The following XPO7 variants were observed in gnomAD, a reference collection of about 807,000 sequenced individuals.
XPO7 encodes exportin-7.
A neutral mutation model predicts 144.3 loss-of-function variants in XPO7; 21 were observed. The ratio of observed to expected loss-of-function variants is 0.15; its 90% CI spans 0.10 to 0.21. The LOEUF is 0.21. Ranked by LOEUF, XPO7 falls within the 10% of genes least tolerant of loss-of-function variation. The pLI is 1.00. For synonymous variants in XPO7, 580 were observed against 499.6 expected (o/e 1.16, Z -2.15); for missense variants, 808 against 1,325.8 (o/e 0.61, Z 6.06).
At position 22,005,230 on chromosome 8, in the gene XPO7, C is replaced by A; in HGVS notation, c.*142C>A. 1.7e-6 allele frequency: 1 copy of A among 595,996 alleles called. No homozygotes were observed. Among genetic ancestry groups the A allele is most frequent in the Non-Finnish European group, 2.8e-6 (1 of 354,844 alleles). 36.9% of individuals were successfully genotyped at this position (595,996 alleles called of 1,614,324 possible). On this transcript the variant is annotated 3_prime_UTR_variant, in exon 28 of 28. Coordinates refer to ENST00000252512, the MANE Select transcript of XPO7 (RefSeq NM_015024.5). ...GAAAATGGCAAAGGTCAACTAGCTG[C>A]TTCCCCAGGGAATAGGGGTGTGAGT...
intron 27 of XPO7, among the ~76,000 whole-genome samples, 168 bp downstream of exon 27, chr8:22,004,198 A>G (rs769754968): frequency 6.6e-6 from 1 of 152,226 alleles, no homozygotes; most frequent in Non-Finnish European, 1.5e-5. Context: ...TCATTTTAAT[A>G]ATATATTTTA....
intron 1 of XPO7, among the ~76,000 whole-genome samples, chr8:21,926,980 A>G (rs1374317533): frequency 6.6e-6 from 1 of 152,208 alleles, no homozygotes; most frequent in Non-Finnish European, 1.5e-5. Flanking sequence ...TGTTTTCCTT[A>G]GTCTTAATAT....
At chr8:21,941,339 A>C (rs567519698) in intron 1 of XPO7, among the ~76,000 whole-genome samples, 5 of 151,696 alleles carry the variant, frequency 3.3e-5, no homozygotes, top group African/African-American at 1.2e-4. Context: ...TTTTTTAGAG[A>C]TGGGGTCTGG....
At chr8:21,990,209 TGGCA>T in intron 16 of XPO7, 131 bp from the exon 17 acceptor site, 3 of 796,686 alleles carry the variant, frequency 3.8e-6, no homozygotes, top group Admixed American at 2.4e-5. Context: ...TTTTCATATT[TGGCA>T]GTGGTATACT....
intron 1 of XPO7, among the ~76,000 whole-genome samples, chr8:21,920,621 C>T (rs1313151563): frequency 6.6e-6 from 1 of 152,098 alleles, no homozygotes; most frequent in East Asian, 1.9e-4. Context: ...AGGCACAGGC[C>T]CTAGAAAGGG....
At chr8:21,950,538 A>C (rs932873714) in intron 1 of XPO7, among the ~76,000 whole-genome samples, 1 of 152,206 alleles carries the variant, frequency 6.6e-6, no homozygotes, top group African/African-American at 2.4e-5. Context: ...GTTTTCACTT[A>C]AGCTGCTAGA....
chr8:21,950,627 A>G (rs1197351172), intron 1 of XPO7, among the ~76,000 whole-genome samples: 1 of 152,174 alleles, frequency 6.6e-6, no homozygotes, highest in African/African-American at 2.4e-5. Context: ...ATTCAAATTG[A>G]TGTATCTTGC....
At chr8:21,919,977 C>T (rs1034163753) in intron 1 of XPO7, among the ~76,000 whole-genome samples, 189 bp downstream of exon 1, 2 of 151,708 alleles carry the variant, frequency 1.3e-5, no homozygotes, top group Non-Finnish European at 2.9e-5. Context: ...CGGGGGCCTT[C>T]TCCGTCCCCT....
chr8:21,922,892 AGTTT>A (rs1246543352), intron 1 of XPO7, among the ~76,000 whole-genome samples: 2 of 152,160 alleles, frequency 1.3e-5, no homozygotes, highest in African/African-American at 2.4e-5. Flanking sequence ...AAGTAGTCAT[AGTTT>A]GTTTTAAATT....
At chr8:21,925,732 A>T (rs1810438179) in intron 1 of XPO7, among the ~76,000 whole-genome samples, 1 of 152,218 alleles carries the variant, frequency 6.6e-6, no homozygotes, top group Non-Finnish European at 1.5e-5. Context: ...TTGTACTTCA[A>T]GCATTCTGGA....
chr8:21,968,438 T>C (rs1216141844), intron 2 of XPO7, among the ~76,000 whole-genome samples: 1 of 152,224 alleles, frequency 6.6e-6, no homozygotes, highest in Non-Finnish European at 1.5e-5. Context: ...AAAGTCATGG[T>C]CAAAGACTGT....
At chr8:21,948,421 C>G (rs1811262373) in intron 1 of XPO7, among the ~76,000 whole-genome samples, 1 of 152,138 alleles carries the variant, frequency 6.6e-6, no homozygotes, top group African/African-American at 2.4e-5. Flanking sequence ...TAGGCTATAC[C>G]ATATAGCTTA....
chr8:21,999,320 G>C lies in XPO7; in HGVS notation c.2643+15G>C, dbSNP rs192229514. Reference sequence around the variant, plus strand: ...GTGATCTCTTGGTAAGCCTTACGCTGCATTGCCACAATCTTGTTCCTCATC... The same window carrying C: ...GTGATCTCTTGGTAAGCCTTACGCTCCATTGCCACAATCTTGTTCCTCATC... On this transcript the variant is annotated intron_variant, in intron 23 of 27. Transcript: ENST00000252512. 2.6e-4 allele frequency: 419 copies of C among 1,611,770 alleles called. 1 individual carries two copies. In the African/African-American group the frequency reaches 4.7e-3, roughly 18 times the overall value.
chr8:21,995,492 A>G lies in XPO7; in HGVS notation c.2238A>G (p.Ile746Met). 1 of 1,603,258 alleles carries G rather than the reference A, an allele frequency of 6.2e-7. No individual in the cohort carries two copies. Among genetic ancestry groups the G allele is most frequent in the Non-Finnish European group, 8.5e-7 (1 of 1,173,950 alleles). Residue 746 changes from isoleucine to methionine, a missense_variant and splice_region_variant, in exon 21 of 28, where the codon ATA becomes ATG. Physicochemically the swap from Ile to Met is conservative, Grantham distance 10 (BLOSUM62 1). Transcript: ENST00000252512. ...KTSFMMLFEW[I>M]YPSYMPILQR... ...TCTTTCCTTAGCTTCTCATTTACAG[A>G]TATCCATCCTATATGCCAATTCTCC...
Position 21,990,456 on chromosome 8 carries a change from C to A in XPO7, c.1932+49C>A, listed in dbSNP as rs200661099. 279 of 1,596,630 alleles carry A rather than the reference C, an allele frequency of 1.7e-4. 2 individuals carry two copies. The Admixed American group carries it at 4.5e-3, about 25-fold the overall frequency. ...CTGGCCCTCCTACCACCCACACATA[C>A]ACTTTCTCGACACATAAAGGAGATA... On this transcript the variant is annotated intron_variant, in intron 17 of 27. Transcript: ENST00000252512.
chr8:21,971,727 A>G (rs1286364466), intron 4 of XPO7, 149 bp from the exon 5 acceptor site: 10 of 488,364 alleles, frequency 2.0e-5, no homozygotes, highest in South Asian at 5.2e-5. Context: ...CCAGCAAAAC[A>G]ACAGTTTTAA....
chr8:21,974,721 C>T lies in XPO7; in HGVS notation c.544C>T (p.Arg182Cys), dbSNP rs1174625804. 6.3e-7 allele frequency: 1 copy of T among 1,591,800 alleles called. No individual in the cohort carries two copies. The highest frequency in any genetic ancestry group is 8.6e-7 in the Non-Finnish European group (1 of 1,168,490). Residue 182 changes from arginine (R) to cysteine (C), a missense_variant, in exon 6 of 28, where the codon CGC (arginine) becomes TGC (cysteine). Transcript: ENST00000252512. ...TKHRKIASSF[R>C]DSSLFDIFTL... Reference sequence around the variant, plus strand: ...GCACAGAAAAATAGCCTCTTCTTTTCGCGATTCATCATTATTTGATATCTT... The same window carrying T: ...GCACAGAAAAATAGCCTCTTCTTTTTGCGATTCATCATTATTTGATATCTT...
In XPO7 at chr8:21,985,751, T is replaced by C. The variant is rs1385376719; in HGVS notation, c.1577+60T>C. The stretch of plus-strand genomic sequence containing the variant: ...TTGCTGGCACTTCTCCACTCCCCGA[T>C]AGGGTCCTCTCCACTTACAGAACGT... On this transcript the variant is annotated intron_variant, in intron 13 of 27. Transcript: ENST00000252512. 4 of 1,429,446 alleles carry C rather than the reference T, an allele frequency of 2.8e-6. No homozygotes were observed. The African/African-American group carries it at 4.2e-5, about 15-fold the overall frequency. 88.5% of individuals were successfully genotyped at this position (1,429,446 alleles called of 1,614,324 possible). A position where few individuals can be genotyped will look rare whatever the true frequency, so the allele number is the denominator to read the frequency against.
At chr8:21,925,209 G>A (rs1382380314) in intron 1 of XPO7, among the ~76,000 whole-genome samples, 1 of 152,160 alleles carries the variant, frequency 6.6e-6, no homozygotes, top group Non-Finnish European at 1.5e-5. Context: ...TCAAAATCTT[G>A]GGGGAGGGAG....
Sources: gnomAD v4.1 joint callset for allele counts (sites outside exome capture counted in the v4.1 genomes callset) on GRCh38, gnomAD v4.1.1 for gene constraint, MANE v1.5 for transcripts, NCBI Gene and HGNC (gene_info 2026-07-23, HGNC 2026-07-21) for gene names.